FERMT2: variants seen among roughly 807,000 people sequenced by gnomAD.
FERMT2 encodes the protein fermitin family homolog 2.
FERMT2 carries 15 observed loss-of-function variants against 82.7 expected under a neutral mutation model. The observed-to-expected ratio is 0.18, with a 90% CI of 0.12 to 0.28. The LOEUF is 0.28. Among genes scored for constraint, FERMT2 ranks in the 10% least tolerant of loss-of-function variants. The pLI, the probability that FERMT2 is intolerant of heterozygous loss-of-function variation, is 1.00. For missense variants in FERMT2, 645 were observed against 809.4 expected (o/e 0.80, Z 2.46); for synonymous variants, 274 against 271.5 (o/e 1.01, Z -0.09).
intron 2 of FERMT2, among the ~76,000 whole-genome samples, chr14:52,943,943 ATC>A (rs1441658847): frequency 6.6e-6 from 1 of 152,216 alleles, no homozygotes; most frequent in East Asian, 1.9e-4. Context: ...TATTTTTAGC[ATC>A]TCTATAAATA....
chr14:52,887,230 C>T (rs1407034780), intron 4 of FERMT2, among the ~76,000 whole-genome samples: 5 of 151,784 alleles, frequency 3.3e-5, no homozygotes, highest in East Asian at 3.9e-4. Flanking sequence ...CCCCACCTCC[C>T]GGGTTCAAGT....
At chr14:52,917,911 T>C (rs17125910) in intron 3 of FERMT2, among the ~76,000 whole-genome samples, 19,001 of 152,230 alleles carry the variant, frequency 0.12, 1,265 homozygotes, top group Middle Eastern at 0.18. Context: ...AGGTCAGTGC[T>C]TGAGGCATTG....
At position 52,875,324 on chromosome 14, in the gene FERMT2, C is replaced by A; in HGVS notation, c.997G>T (p.Glu333Ter). ...HINKLSIMTS[E>*]NHLNNSDKEV... ...TTGTCACTGTTGTTCAAATGATTCT[C>A]TGATGTCATGATTGACAGCTTATTG... The change falls in exon 8 of 15, where the codon GAG becomes TAG. Residue 333 changes from glutamate to a stop codon, truncating the protein, a stop_gained. Coordinates refer to ENST00000341590, the MANE Select transcript of FERMT2 (RefSeq NM_006832.3). LOFTEE classifies it high-confidence loss of function. 1 of 1,609,840 alleles carries A rather than the reference C, an allele frequency of 6.2e-7. No homozygotes were observed. The highest frequency in any genetic ancestry group is 8.5e-7 in the Non-Finnish European group (1 of 1,176,570).
chr14:52,946,525 T>C lies in FERMT2; in HGVS notation c.157+3887A>G, dbSNP rs145380478. 9.2e-3 allele frequency among the ~76,000 whole-genome samples: 1,398 copies of C among 152,204 alleles called. 5 individuals are homozygous for C. Among genetic ancestry groups the C allele is most frequent in the Non-Finnish European group, 0.014 (961 of 68,014 alleles). ...AAAGTCAGCAAGATGTGGTGGTGCG[T>C]GCCTGTAGTTCCAGCTACTCAGGAA... On this transcript the variant is annotated intron_variant, in intron 2 of 14. Coordinates refer to ENST00000341590, the MANE Select transcript of FERMT2 (RefSeq NM_006832.3).
At chr14:52,883,733 G>A (rs1367919434) in intron 4 of FERMT2, among the ~76,000 whole-genome samples, 1 of 152,176 alleles carries the variant, frequency 6.6e-6, no homozygotes, top group Non-Finnish European at 1.5e-5. Flanking sequence ...GGTGGGAGGT[G>A]ACTGAATCAC....
chr14:52,917,271 C>CGTGTGTGT (rs150322009), intron 3 of FERMT2, among the ~76,000 whole-genome samples: 181 of 147,646 alleles, frequency 1.2e-3, no homozygotes, highest in African/African-American at 4.1e-3. Context: ...CACAGAGATA[C>CGTGTGTGT]GTGTGTGTGT....
chr14:52,860,639 G>A, intron 12 of FERMT2, 174 bp from the exon 13 acceptor site: 3 of 610,670 alleles, frequency 4.9e-6, no homozygotes, highest in Non-Finnish European at 8.2e-6. Context: ...AATGTATAAG[G>A]ATTTTTCAAA....
chr14:52,878,491 T>A (rs1886101555), intron 7 of FERMT2, 91 bp downstream of exon 7: 1 of 786,880 alleles, frequency 1.3e-6, no homozygotes, highest in Admixed American at 2.6e-5. Context: ...TCTCGTGAAA[T>A]GTTACTGGAA....
chr14:52,876,774 G>A (rs1346134008), intron 7 of FERMT2, among the ~76,000 whole-genome samples: 1 of 152,058 alleles, frequency 6.6e-6, no homozygotes, highest in African/African-American at 2.4e-5. Flanking sequence ...CGGAGTATAG[G>A]TTCTCTCTGA....
At chr14:52,950,364 A>T (rs774789635) in intron 2 of FERMT2, 48 bp downstream of exon 2, 3 of 1,584,324 alleles carry the variant, frequency 1.9e-6, no homozygotes, top group East Asian at 2.3e-5. Flanking sequence ...TCCTCCCCCT[A>T]CCAATTCTGG....
intron 3 of FERMT2, among the ~76,000 whole-genome samples, chr14:52,900,944 T>A (rs962189621): frequency 1.3e-5 from 2 of 151,728 alleles, no homozygotes; most frequent in African/African-American, 2.4e-5. Flanking sequence ...CTCCACCCAA[T>A]ATAGAGCTTC....
intron 4 of FERMT2, among the ~76,000 whole-genome samples, chr14:52,889,565 T>C (rs1178509430): frequency 1.3e-5 from 2 of 152,204 alleles, no homozygotes; most frequent in East Asian, 1.9e-4. Flanking sequence ...TGCAAGTTAG[T>C]ACAGTCATGC....
intron 10 of FERMT2, among the ~76,000 whole-genome samples, chr14:52,867,098 CTT>C (rs541511056): frequency 3.7e-4 from 52 of 141,050 alleles, no homozygotes; most frequent in Admixed American, 4.3e-4. Flanking sequence ...GCTTTGCCTC[CTT>C]TTTTTTTTTT....
intron 3 of FERMT2, among the ~76,000 whole-genome samples, chr14:52,916,882 C>A (rs1218307526): frequency 2.0e-5 from 3 of 152,058 alleles, no homozygotes; most frequent in African/African-American, 7.2e-5. Flanking sequence ...CAAAAATGGA[C>A]AAATGATATA....
At chr14:52,865,177 C>T (rs984037787) in intron 10 of FERMT2, among the ~76,000 whole-genome samples, 6 of 152,144 alleles carry the variant, frequency 3.9e-5, no homozygotes, top group South Asian at 2.1e-4. Context: ...AAAAATTAGC[C>T]GGGGGTGGTG....
chr14:52,867,188 C>A (rs1566718379), intron 10 of FERMT2, among the ~76,000 whole-genome samples: 1 of 151,820 alleles, frequency 6.6e-6, no homozygotes, highest in African/African-American at 2.4e-5. Context: ...CCACCACCTG[C>A]CTTGGTCTCC....
chr14:52,911,200 C>G (rs1486059600), intron 3 of FERMT2, among the ~76,000 whole-genome samples: 1 of 152,096 alleles, frequency 6.6e-6, no homozygotes, highest in East Asian at 1.9e-4. Context: ...CAGACAATAC[C>G]TAAGCCAATG....
intron 3 of FERMT2, among the ~76,000 whole-genome samples, chr14:52,899,292 A>AG (rs1887479737): frequency 6.7e-6 from 1 of 148,918 alleles, no homozygotes; most frequent in African/African-American, 2.5e-5. Flanking sequence ...TTATTTATTT[A>AG]TTTTTTTTGA....
intron 4 of FERMT2, among the ~76,000 whole-genome samples, chr14:52,892,462 T>TG (rs1555369022): frequency 0.017 from 2,352 of 136,704 alleles, 66 homozygotes; most frequent in African/African-American, 0.056. Context: ...TTTTGTTTTT[T>TG]TTTTTTTTTG....
Sources: gnomAD v4.1 joint callset for allele counts (sites outside exome capture counted in the v4.1 genomes callset) on GRCh38, gnomAD v4.1.1 for gene constraint, MANE v1.5 for transcripts, NCBI Gene and HGNC (gene_info 2026-07-23, HGNC 2026-07-21) for gene names.